TULP3: variants seen among roughly 807,000 people sequenced by gnomAD.
TULP3 encodes the protein TUB like protein 3.
Under a neutral mutation model 50.7 loss-of-function variants are expected in TULP3, and 38 were observed. That is an observed-to-expected ratio of 0.75 (90% CI 0.58 to 0.98). TULP3 has a LOEUF of 0.98. Among genes scored for constraint, TULP3 ranks in the 50% least tolerant of loss-of-function variants. TULP3 has a pLI of 0.00. For synonymous variants in TULP3, 183 were observed against 196.6 expected, an observed-to-expected ratio of 0.93 and a Z score of 0.58; for missense variants, 550 against 568.0, an observed-to-expected ratio of 0.97 and a Z score of 0.32.
At chr12:2,929,280 GC>G (rs913913299) in intron 4 of TULP3, among the ~76,000 whole-genome samples, 1 of 152,012 alleles carries the variant, frequency 6.6e-6, no homozygotes, top group Non-Finnish European at 1.5e-5. Context: ...TCGCGCCACT[GC>G]GCTCCAGCCT....
intron 4 of TULP3, 52 bp from the exon 5 acceptor site, chr12:2,930,196 G>C: frequency 8.1e-7 from 1 of 1,239,480 alleles, no homozygotes; most frequent in African/African-American, 1.5e-5. Flanking sequence ...TTGTTTCAAA[G>C]ACCTTTTTTA....
chr12:2,899,832 G>A (rs890516578), intron 1 of TULP3, among the ~76,000 whole-genome samples: 1 of 151,070 alleles, frequency 6.6e-6, no homozygotes, highest in African/African-American at 2.4e-5. Flanking sequence ...GGCGGAGCTT[G>A]CAGTGAGCAG....
At chr12:2,899,345 C>CAAA (rs55818833) in intron 1 of TULP3, among the ~76,000 whole-genome samples, 23,011 of 82,444 alleles carry the variant, frequency 0.28, 3,740 homozygotes, top group African/African-American at 0.45. Context: ...AACGACGTCT[C>CAAA]AAAAAAAAAA....
chr12:2,912,905 G>C (rs1430219402), intron 2 of TULP3, among the ~76,000 whole-genome samples: 2 of 152,082 alleles, frequency 1.3e-5, no homozygotes, highest in Non-Finnish European at 2.9e-5. Context: ...CATGTGCCCA[G>C]GACATTCTCC....
chr12:2,926,210 A>AG (rs975691591), intron 4 of TULP3, among the ~76,000 whole-genome samples: 4 of 152,276 alleles, frequency 2.6e-5, no homozygotes, highest in South Asian at 2.1e-4. Context: ...ACCAATAAAA[A>AG]GGGGGGGTGC....
intron 10 of TULP3, 33 bp downstream of exon 10, chr12:2,938,318 G>T (rs1264361769): frequency 6.2e-7 from 1 of 1,602,802 alleles, no homozygotes; most frequent in Non-Finnish European, 8.5e-7. Flanking sequence ...GTGGGAAGAG[G>T]AGGACAGATG....
At chr12:2,895,083 C>T (rs1243219418) in intron 1 of TULP3, among the ~76,000 whole-genome samples, 1 of 152,136 alleles carries the variant, frequency 6.6e-6, no homozygotes, top group Non-Finnish European at 1.5e-5. Flanking sequence ...AATCATACAT[C>T]TTAAATAGCC....
intron 9 of TULP3, 136 bp from the exon 10 acceptor site, chr12:2,937,978 C>T (rs1178796952): frequency 9.6e-7 from 1 of 1,038,046 alleles, no homozygotes; most frequent in Non-Finnish European, 1.4e-6. Flanking sequence ...TTAAAAAAAA[C>T]CTGTCTTCAT....
chr12:2,926,028 C>T (rs2098194480), intron 4 of TULP3, among the ~76,000 whole-genome samples: 1 of 152,186 alleles, frequency 6.6e-6, no homozygotes, highest in Admixed American at 6.5e-5. Context: ...CAGATTATGT[C>T]CCTGTAAGTG....
intron 2 of TULP3, among the ~76,000 whole-genome samples, chr12:2,919,478 T>C (rs1837938342): frequency 6.6e-6 from 1 of 152,190 alleles, no homozygotes; most frequent in African/African-American, 2.4e-5. Context: ...CCTTTTTTGA[T>C]AGTCTCACCC....
At position 2,904,352 on chromosome 12, in the gene TULP3, A is replaced by G. The variant is rs115437177; in HGVS notation, c.42-5177A>G. Among the ~76,000 whole-genome samples, 792 of 152,098 alleles carry G rather than the reference A, an allele frequency of 5.2e-3. 5 individuals carry two copies. Among genetic ancestry groups the G allele is most frequent in the African/African-American group, 0.018 (732 of 41,518 alleles). On this transcript the variant is annotated intron_variant, in intron 1 of 10. Transcript: ENST00000448120. Reference sequence around the variant, plus strand: ...TTATCTGTCTGTCTCACCTATATCTATCTGAGATGGAATCTCGCTCTGTTG... The same window carrying G: ...TTATCTGTCTGTCTCACCTATATCTGTCTGAGATGGAATCTCGCTCTGTTG...
Position 2,890,931 on chromosome 12 carries a change from C to A in TULP3, c.-17C>A, listed in dbSNP as rs1176956411. Reference sequence around the variant, plus strand: ...GGGAAGAGTGTGTACGTGGTGGGGGCTTCCTCGGTGGCGGGCATGGAGGCT... The same window carrying A: ...GGGAAGAGTGTGTACGTGGTGGGGGATTCCTCGGTGGCGGGCATGGAGGCT... On this transcript the variant is annotated 5_prime_UTR_variant, in exon 1 of 11. Coordinates refer to ENST00000448120, the MANE Select transcript of TULP3 (RefSeq NM_003324.5). 6.3e-7 allele frequency: 1 copy of A among 1,593,316 alleles called. No homozygotes were observed.
chr12:2,908,612 C>CAG (rs3216649), intron 1 of TULP3, among the ~76,000 whole-genome samples: 72,469 of 151,432 alleles, frequency 0.48, 17,801 homozygotes, highest in African/African-American at 0.6. Context: ...TTAGTAGAGA[C>CAG]GGTTTCACTA....
intron 2 of TULP3, 87 bp downstream of exon 2, chr12:2,909,667 C>G: frequency 7.4e-7 from 1 of 1,348,914 alleles, no homozygotes; most frequent in Non-Finnish European, 1.0e-6. Context: ...TTTGGCAGGG[C>G]TATGGAAAGA....
chr12:2,901,362 T>C (rs767688278), intron 1 of TULP3, among the ~76,000 whole-genome samples: 1 of 147,808 alleles, frequency 6.8e-6, no homozygotes, highest in Non-Finnish European at 1.5e-5. Context: ...TTGCCTAGGC[T>C]TTTTGCCCAA....
chr12:2,925,884 A>G (rs7303345), intron 4 of TULP3, among the ~76,000 whole-genome samples: 70,873 of 152,042 alleles, frequency 0.47, 16,820 homozygotes, highest in East Asian at 0.56. Context: ...GCTCTATGAA[A>G]TGGCTGTTCG....
chr12:2,897,551 A>C (rs2098176250), intron 1 of TULP3, among the ~76,000 whole-genome samples: 1 of 151,992 alleles, frequency 6.6e-6, no homozygotes, highest in Non-Finnish European at 1.5e-5. Flanking sequence ...GAAGGAGATC[A>C]CTTGAGGCCA....
intron 6 of TULP3, among the ~76,000 whole-genome samples, chr12:2,931,836 A>G (rs1281646839): frequency 6.6e-6 from 1 of 152,160 alleles, no homozygotes; most frequent in Non-Finnish European, 1.5e-5. Flanking sequence ...CGACAGACCA[A>G]GCATATGCAT....
rs530558620 is a variant in TULP3 at position 2,939,787 on chromosome 12, G to A, written c.*343G>A. 57 of 1,189,444 alleles carry A rather than the reference G, an allele frequency of 4.8e-5. No individual in the cohort carries two copies. The African/African-American group carries it at 6.8e-4, about 14-fold the overall frequency. The allele number at this position is 1,189,444 out of a possible 1,614,324, so 73.7% of individuals were successfully genotyped here. On this transcript the variant is annotated 3_prime_UTR_variant, in exon 11 of 11. Transcript: ENST00000448120. This position sits in a 1 kb window ranked among gnomAD's most constrained non-coding sequence, Gnocchi z 4.0. The stretch of plus-strand genomic sequence containing the variant: ...AGCAATAGTTTGCCCCTTTTGGAAC[G>A]ACCCCTGAATATATAAAACACACAC...
Sources: allele counts gnomAD v4.1 joint callset (sites outside exome capture counted in the v4.1 genomes callset), GRCh38; gene constraint gnomAD v4.1.1; non-coding constraint Gnocchi (gnomAD v3.1); transcripts MANE v1.5; gene names NCBI Gene and HGNC (gene_info 2026-07-23, HGNC 2026-07-21).